Variants in BCL2L13 observed in about 807,000 individuals in gnomAD.
The protein encoded by BCL2L13 is bcl-2-like protein 13.
Under a neutral mutation model 25.8 loss-of-function variants are expected in BCL2L13, and 13 were observed. That is an observed-to-expected ratio of 0.50 (90% CI 0.33 to 0.80). BCL2L13 has a LOEUF of 0.80. Ranked by LOEUF, BCL2L13 falls within the 30% of genes least tolerant of loss-of-function variation. The pLI, the probability that BCL2L13 is intolerant of heterozygous loss-of-function variation, is 0.02. For synonymous variants in BCL2L13, 244 were observed against 230.3 expected (o/e 1.06, Z -0.54); for missense variants, 504 against 574.9 (o/e 0.88, Z 1.26).
intron 4 of BCL2L13, among the ~76,000 whole-genome samples, chr22:17,693,375 T>TA (rs372502658): frequency 2.1e-3 from 65 of 30,394 alleles, no homozygotes; most frequent in Non-Finnish European, 3.4e-3. Context: ...AGTGTTTGTT[T>TA]TTTTTTTTTT....
In BCL2L13 at chr22:17,631,835, C is replaced by T. The variant is rs1488467577; in HGVS notation, c.-650+2830C>T. The stretch of plus-strand genomic sequence containing the variant: ...CTCCCGGGTTCAAGTGATTCTTCTG[C>T]CTCAGCCTCCTGTGTAGCTGGGACT... On this transcript the variant is annotated intron_variant, in intron 1 of 6. Coordinates refer to the BCL2L13 transcript ENST00000399782. 2.0e-5 allele frequency among the ~76,000 whole-genome samples: 3 copies of T among 147,244 alleles called. No homozygotes were observed. In the Admixed American group the frequency reaches 2.1e-4, roughly 10 times the overall value.
chr22:17,646,267 A>C (rs1601489487), intron 1 of BCL2L13, among the ~76,000 whole-genome samples: 1 of 151,578 alleles, frequency 6.6e-6, no homozygotes, highest in Non-Finnish European at 1.5e-5. Flanking sequence ...TGTTTGAGAC[A>C]GAGTTTCTCG....
intron 2 of BCL2L13, among the ~76,000 whole-genome samples, chr22:17,658,036 G>C (rs2058941736): frequency 6.6e-6 from 1 of 151,304 alleles, no homozygotes; most frequent in Non-Finnish European, 1.5e-5. Context: ...TGGCCAGGAT[G>C]GTCTCGATCT....
At chr22:17,641,025 G>C (rs2058261996) in intron 1 of BCL2L13, among the ~76,000 whole-genome samples, 1 of 151,670 alleles carries the variant, frequency 6.6e-6, no homozygotes, top group Admixed American at 6.6e-5. Context: ...CGAGTAGCTG[G>C]GACTACAGGT....
intron 1 of BCL2L13, among the ~76,000 whole-genome samples, chr22:17,650,698 A>G (rs144414253): frequency 3.3e-5 from 5 of 152,090 alleles, no homozygotes; most frequent in Middle Eastern, 3.4e-3. Flanking sequence ...ATTGAAAATC[A>G]CTGTTCATTC....
chr22:17,636,491 T>G (rs557964215), upstream of BCL2L13, among the ~76,000 whole-genome samples: 2 of 151,654 alleles, frequency 1.3e-5, no homozygotes, highest in Non-Finnish European at 2.9e-5. Context: ...ACACCTTGTC[T>G]CTAAAAAAAT....
intron 1 of BCL2L13, among the ~76,000 whole-genome samples, chr22:17,643,257 G>A (rs2058351617): frequency 6.6e-6 from 1 of 152,074 alleles, no homozygotes; most frequent in South Asian, 2.1e-4. Context: ...TTTCAGATGG[G>A]TGGGGTGAAT....
At chr22:17,693,368 GTTTGTTTTTT>G (rs774152270) in intron 4 of BCL2L13, among the ~76,000 whole-genome samples, 15,599 of 111,936 alleles carry the variant, frequency 0.14, 1,315 homozygotes, top group Non-Finnish European at 0.19. Context: ...TTTATTTAGT[GTTTGTTTTTT>G]TTTTTTTTTT....
intron 1 of BCL2L13, among the ~76,000 whole-genome samples, chr22:17,646,973 T>A (rs2058514989): frequency 1.7e-5 from 2 of 117,006 alleles, no homozygotes; most frequent in South Asian, 6.1e-4. Flanking sequence ...TTTTTTTTTT[T>A]TTTTTTCTTT....
At chr22:17,671,161 G>A (rs1407514906) in intron 2 of BCL2L13, among the ~76,000 whole-genome samples, 4 of 152,112 alleles carry the variant, frequency 2.6e-5, no homozygotes, top group African/African-American at 9.7e-5. Context: ...TTGGGAGGCC[G>A]AGGTGGGTAG....
intron 3 of BCL2L13, among the ~76,000 whole-genome samples, chr22:17,687,819 T>TC (rs71201869): frequency 5.2e-4 from 10 of 19,064 alleles, no homozygotes; most frequent in African/African-American, 9.7e-4. Context: ...ACCCGGCCCC[T>TC]TTTTTTTTTT....
chr22:17,724,979 A>G (rs1254536938), intron 6 of BCL2L13, among the ~76,000 whole-genome samples: 1 of 152,216 alleles, frequency 6.6e-6, no homozygotes, highest in Non-Finnish European at 1.5e-5. Context: ...TTCTGTAAGA[A>G]TAGACCCATT....
intron 1 of BCL2L13, among the ~76,000 whole-genome samples, chr22:17,644,703 T>C (rs1339440928): frequency 1.3e-5 from 2 of 151,542 alleles, no homozygotes; most frequent in Non-Finnish European, 2.9e-5. Context: ...TATTAAAATG[T>C]GTTAAACTAT....
intron 6 of BCL2L13, among the ~76,000 whole-genome samples, chr22:17,714,635 A>G (rs550708160): frequency 6.6e-6 from 1 of 152,326 alleles, no homozygotes; most frequent in East Asian, 1.9e-4. Context: ...CTCTACTAGA[A>G]CGTAGAAAGG....
At chr22:17,668,321 C>A (rs917026759) in intron 2 of BCL2L13, among the ~76,000 whole-genome samples, 1 of 151,056 alleles carries the variant, frequency 6.6e-6, no homozygotes, top group Non-Finnish European at 1.5e-5. Context: ...CCTGTCTTAA[C>A]GTTTTTTTAT....
intron 6 of BCL2L13, among the ~76,000 whole-genome samples, chr22:17,711,075 G>T (rs1486827949): frequency 6.6e-6 from 1 of 151,542 alleles, no homozygotes; most frequent in Non-Finnish European, 1.5e-5. Flanking sequence ...AAAGCCAGGC[G>T]TGGTGGTGCG....
intron 6 of BCL2L13, among the ~76,000 whole-genome samples, chr22:17,715,509 A>T (rs998094557): frequency 3.3e-5 from 5 of 152,168 alleles, no homozygotes; most frequent in Non-Finnish European, 7.4e-5. Context: ...ACATAACATT[A>T]TATTAATATA....
chr22:17,641,531 A>G (rs2058283368), intron 1 of BCL2L13, among the ~76,000 whole-genome samples: 1 of 152,018 alleles, frequency 6.6e-6, no homozygotes, highest in African/African-American at 2.4e-5. Context: ...GGAGTAGCTG[A>G]TTTTTTTTAA....
chr22:17,721,713 G>T (rs1217165176), intron 6 of BCL2L13, among the ~76,000 whole-genome samples: 2 of 151,610 alleles, frequency 1.3e-5, no homozygotes, highest in Admixed American at 6.6e-5. Flanking sequence ...TTTAGTAGAG[G>T]CAGGGTTTTG....
Sources: allele counts gnomAD v4.1 joint callset (sites outside exome capture counted in the v4.1 genomes callset), GRCh38; gene constraint gnomAD v4.1.1; transcripts MANE v1.5; gene names NCBI Gene and HGNC (gene_info 2026-07-23, HGNC 2026-07-21).